Variants in GABRB1 observed in about 807,000 individuals in gnomAD.
GABRB1 encodes gamma-aminobutyric acid receptor subunit beta-1.
A neutral mutation model predicts 51.6 loss-of-function variants in GABRB1; 17 were observed. The ratio of observed to expected loss-of-function variants is 0.33; its 90% CI spans 0.23 to 0.49. GABRB1 has a LOEUF of 0.49. Among genes scored for constraint, GABRB1 ranks in the 20% least tolerant of loss-of-function variants. The probability of loss-of-function intolerance (pLI) is 0.99; values close to 1 mark genes in which losing one functional copy is unlikely to be tolerated. For synonymous variants in GABRB1, 247 were observed against 218.9 expected (o/e 1.13, Z -1.14); for missense variants, 410 against 600.6 (o/e 0.68, Z 3.32).
At chr4:47,151,615 T>G (rs1437259230) in intron 3 of GABRB1, among the ~76,000 whole-genome samples, 1 of 152,038 alleles carries the variant, frequency 6.6e-6, no homozygotes, top group Non-Finnish European at 1.5e-5. Context: ...GAATATCCGA[T>G]TAGATCTTCC....
chr4:47,315,909 G>A (rs1724868579), intron 4 of GABRB1, among the ~76,000 whole-genome samples: 1 of 151,772 alleles, frequency 6.6e-6, no homozygotes, highest in Non-Finnish European at 1.5e-5. Context: ...GGAGGAAGGT[G>A]AGGATCGAAA....
At chr4:47,243,479 G>T (rs1047659761) in intron 4 of GABRB1, among the ~76,000 whole-genome samples, 1 of 152,196 alleles carries the variant, frequency 6.6e-6, no homozygotes. Context: ...ACCTTGGGCA[G>T]TATGGCCATT....
chr4:47,317,025 T>C (rs1724917593), intron 4 of GABRB1, among the ~76,000 whole-genome samples: 2 of 151,992 alleles, frequency 1.3e-5, no homozygotes, highest in Admixed American at 6.6e-5. Flanking sequence ...ATTTGTACTT[T>C]ACATACTGAG....
At chr4:47,230,344 G>C (rs1298240359) in intron 4 of GABRB1, among the ~76,000 whole-genome samples, 1 of 152,042 alleles carries the variant, frequency 6.6e-6, no homozygotes, top group East Asian at 1.9e-4. Context: ...CCAGAGCTGA[G>C]ATTACAAGGT....
At chr4:47,354,282 ATTATAC>A (rs142131898) in intron 5 of GABRB1, among the ~76,000 whole-genome samples, 1,801 of 152,250 alleles carry the variant, frequency 0.012, 36 homozygotes, top group African/African-American at 0.042. Flanking sequence ...ACAATTTTTT[ATTATAC>A]TTATATTTAC....
intron 4 of GABRB1, among the ~76,000 whole-genome samples, chr4:47,287,139 G>C (rs1373424949): frequency 6.6e-6 from 1 of 152,204 alleles, no homozygotes; most frequent in African/African-American, 2.4e-5. Context: ...GAGAAAGAGA[G>C]AGAGAGAGAG....
At chr4:47,073,157 C>G (rs1320202026) in intron 3 of GABRB1, among the ~76,000 whole-genome samples, 2 of 152,124 alleles carry the variant, frequency 1.3e-5, no homozygotes. Context: ...CTCTTATCTT[C>G]TTTGAAAATT....
At chr4:47,021,697 A>C (rs568223657) in intron 1 of GABRB1, among the ~76,000 whole-genome samples, 1 of 152,196 alleles carries the variant, frequency 6.6e-6, no homozygotes, top group African/African-American at 2.4e-5. Flanking sequence ...TTATCAGAAA[A>C]AGTATAGCAA....
At chr4:46,995,198 C>T (rs375076883) in intron 1 of GABRB1, among the ~76,000 whole-genome samples, 1 of 152,104 alleles carries the variant, frequency 6.6e-6, no homozygotes, top group East Asian at 1.9e-4. Flanking sequence ...TTAAACAAAG[C>T]AATGAATTGC....
intron 4 of GABRB1, among the ~76,000 whole-genome samples, chr4:47,291,253 T>C (rs1349350748): frequency 6.6e-6 from 1 of 152,112 alleles, no homozygotes; most frequent in Non-Finnish European, 1.5e-5. Flanking sequence ...GCAGCTTCCA[T>C]GTGGTGTTGA....
At chr4:46,999,581 T>C (rs1406132214) in intron 1 of GABRB1, among the ~76,000 whole-genome samples, 1 of 152,080 alleles carries the variant, frequency 6.6e-6, no homozygotes, top group East Asian at 1.9e-4. Flanking sequence ...TCAATATAAA[T>C]ATATCAGGAG....
chr4:46,998,779 G>A (rs1560490939), intron 1 of GABRB1, among the ~76,000 whole-genome samples: 1 of 149,612 alleles, frequency 6.7e-6, no homozygotes, highest in Non-Finnish European at 1.5e-5. Context: ...AATTTAAGGG[G>A]ATACAATCCA....
Position 47,161,281 on chromosome 4 carries a change from T to G in GABRB1, c.273T>G (p.Ser91=). 1 of 1,611,686 alleles carries G rather than the reference T, an allele frequency of 6.2e-7. No homozygotes were observed. The highest frequency in any genetic ancestry group is 1.1e-5 in the South Asian group (1 of 91,032). The change falls in exon 4 of 9, where the codon TCT becomes TCG. Residue 91 remains serine, a synonymous_variant. Transcript: ENST00000295454. Reference sequence around the variant, plus strand: ...CACTCACCATGTATTTCCAGCAGTCTTGGAAAGACAAAAGGCTTTCTTATT... The same window carrying G: ...CACTCACCATGTATTTCCAGCAGTCGTGGAAAGACAAAAGGCTTTCTTATT... ...DYTLTMYFQQ[S]WKDKRLSYSG... is the part of the protein sequence containing the mutation.
At chr4:47,334,113 G>A (rs1277192347) in intron 5 of GABRB1, among the ~76,000 whole-genome samples, 1 of 152,182 alleles carries the variant, frequency 6.6e-6, no homozygotes, top group African/African-American at 2.4e-5. Flanking sequence ...CAGATTCTGA[G>A]TTAGTGAGCC....
At chr4:47,291,721 C>T (rs7439333) in intron 4 of GABRB1, among the ~76,000 whole-genome samples, 147,707 of 152,320 alleles carry the variant, frequency 0.97, 71,723 homozygotes, top group East Asian at 1. Context: ...AGCTGTAAGA[C>T]TTGAGTGCCT....
chr4:47,392,591 C>A (rs1728038040), intron 5 of GABRB1, among the ~76,000 whole-genome samples: 1 of 152,190 alleles, frequency 6.6e-6, no homozygotes, highest in African/African-American at 2.4e-5. Context: ...ATCTGCCCGC[C>A]TTGGCCTCCC....
intron 4 of GABRB1, among the ~76,000 whole-genome samples, chr4:47,263,970 CAAAAAAAATA>C (rs1174498441): frequency 7.1e-6 from 1 of 140,898 alleles, no homozygotes; most frequent in Non-Finnish European, 1.6e-5. Flanking sequence ...TTCACTTCTA[CAAAAAAAATA>C]AAAAAAAAAA....
At chr4:47,167,874 C>A (rs142663082) in intron 4 of GABRB1, among the ~76,000 whole-genome samples, 2 of 152,124 alleles carry the variant, frequency 1.3e-5, no homozygotes, top group South Asian at 2.1e-4. Flanking sequence ...GATTGCTCAG[C>A]CTCCAGAACT....
At position 47,295,491 on chromosome 4, in the gene GABRB1, T is replaced by A. The variant is rs563753469; in HGVS notation, c.462-24636T>A. On this transcript the variant is annotated intron_variant, in intron 4 of 8. Transcript: ENST00000295454. The stretch of plus-strand genomic sequence containing the variant: ...AGCCTCAGGAGCCGATGTGATCAAC[T>A]GGAAGAAAGGGTATCAGTGATGGAA... 7.7e-4 allele frequency among the ~76,000 whole-genome samples: 117 copies of A among 152,156 alleles called. 1 individual carries two copies. Among genetic ancestry groups the A allele is most frequent in the Non-Finnish European group, 1.4e-3 (94 of 68,008 alleles).
Sources: allele counts gnomAD v4.1 joint callset (sites outside exome capture counted in the v4.1 genomes callset), GRCh38; gene constraint gnomAD v4.1.1; transcripts MANE v1.5; gene names NCBI Gene and HGNC (gene_info 2026-07-23, HGNC 2026-07-21).